The following VRK1 variants were observed in gnomAD, a reference collection of about 807,000 sequenced individuals.
The protein encoded by VRK1 is VRK serine/threonine kinase 1.
VRK1 carries 33 observed loss-of-function variants against 57.1 expected under a neutral mutation model. The observed-to-expected ratio is 0.58, with a 90% CI of 0.44 to 0.77. The LOEUF (loss-of-function observed/expected upper bound fraction) is 0.77, where lower values mean the gene tolerates loss of function less well. VRK1 is among the 30% of genes least tolerant of loss of function. VRK1 has a pLI of 0.00. For synonymous variants in VRK1, 137 were observed against 147.8 expected (o/e 0.93, Z 0.53); for missense variants, 413 against 477.3 (o/e 0.87, Z 1.25).
chr14:96,804,123 T>C (rs879872419), intron 1 of VRK1, among the ~76,000 whole-genome samples: 7 of 152,248 alleles, frequency 4.6e-5, no homozygotes, highest in Non-Finnish European at 8.8e-5. Flanking sequence ...TCTCATTTTT[T>C]CTTCTGTTTT....
intron 11 of VRK1, among the ~76,000 whole-genome samples, chr14:96,861,237 GATTA>G (rs1375974119): frequency 1.3e-5 from 2 of 152,118 alleles, no homozygotes; most frequent in African/African-American, 4.8e-5. Flanking sequence ...CATATAAGGG[GATTA>G]ATTGTTTGGA....
chr14:96,804,329 C>T (rs1885786128), intron 1 of VRK1, among the ~76,000 whole-genome samples: 1 of 152,132 alleles, frequency 6.6e-6, no homozygotes, highest in African/African-American at 2.4e-5. Flanking sequence ...TGGCCATATA[C>T]TGTAAATTAG....
chr14:96,800,464 G>A (rs1231184572), intron 1 of VRK1, among the ~76,000 whole-genome samples: 1 of 151,966 alleles, frequency 6.6e-6, no homozygotes, highest in Non-Finnish European at 1.5e-5. Context: ...TACGAGCGAT[G>A]GCCCTTCTCC....
chr14:96,832,196 T>C (rs774880130), intron 1 of VRK1, among the ~76,000 whole-genome samples: 1 of 152,068 alleles, frequency 6.6e-6, no homozygotes, highest in Admixed American at 6.6e-5. Context: ...AGTGGGTGAG[T>C]TGGTGAAAAA....
At chr14:96,807,433 T>G (rs541904412) in intron 1 of VRK1, among the ~76,000 whole-genome samples, 8 of 152,370 alleles carry the variant, frequency 5.3e-5, no homozygotes, top group Non-Finnish European at 1.0e-4. Context: ...CATGTCAGTT[T>G]ACCACATTGG....
intron 11 of VRK1, among the ~76,000 whole-genome samples, chr14:96,864,818 T>G (rs1888520995): frequency 6.6e-6 from 1 of 152,138 alleles, no homozygotes; most frequent in Non-Finnish European, 1.5e-5. Flanking sequence ...ATGGTTTTAA[T>G]TTAATCTCCT....
intron 1 of VRK1, among the ~76,000 whole-genome samples, chr14:96,825,188 G>C (rs1264655910): frequency 6.6e-6 from 1 of 152,162 alleles, no homozygotes; most frequent in African/African-American, 2.4e-5. Flanking sequence ...GGCTTGAAGT[G>C]GGTGCAGGTG....
At chr14:96,866,976 A>G (rs1888610958) in intron 11 of VRK1, among the ~76,000 whole-genome samples, 1 of 152,182 alleles carries the variant, frequency 6.6e-6, no homozygotes, top group African/African-American at 2.4e-5. Flanking sequence ...ATTAGAATTT[A>G]TGTTCTTTTC....
intron 3 of VRK1, among the ~76,000 whole-genome samples, chr14:96,845,538 G>T (rs1480106550): frequency 6.6e-6 from 1 of 152,140 alleles, no homozygotes; most frequent in Admixed American, 6.5e-5. Flanking sequence ...AGGAATCTGT[G>T]TCAGAAAGGA....
intron 1 of VRK1, among the ~76,000 whole-genome samples, chr14:96,822,356 T>C (rs1885679266): frequency 6.6e-6 from 1 of 152,178 alleles, no homozygotes; most frequent in African/African-American, 2.4e-5. Context: ...ATTTTAAATT[T>C]TAAGAGGGGT....
At chr14:96,833,371 T>G (rs1327362933) in intron 1 of VRK1, 96 bp from the exon 2 acceptor site, 2 of 1,448,208 alleles carry the variant, frequency 1.4e-6, no homozygotes, top group Admixed American at 1.9e-5. Flanking sequence ...AGTAGGAATT[T>G]GAACAGCATC....
At chr14:96,860,419 T>C in intron 10 of VRK1, 138 bp from the exon 11 acceptor site, 2 of 767,726 alleles carry the variant, frequency 2.6e-6, no homozygotes, top group Non-Finnish European at 2.0e-6. Flanking sequence ...ATACTTTTCA[T>C]TGAAGTGATT....
At chr14:96,802,641 G>C (rs1169245011) in intron 1 of VRK1, among the ~76,000 whole-genome samples, 1 of 152,206 alleles carries the variant, frequency 6.6e-6, no homozygotes, top group African/African-American at 2.4e-5. Flanking sequence ...TATGGTGATG[G>C]TTACATGAAT....
chr14:96,880,482 G>A (rs1193273210), intron 12 of VRK1, among the ~76,000 whole-genome samples: 1 of 152,206 alleles, frequency 6.6e-6, no homozygotes, highest in Non-Finnish European at 1.5e-5. Flanking sequence ...GTACCCAGAG[G>A]TGGAGTAGGA....
intron 1 of VRK1, among the ~76,000 whole-genome samples, chr14:96,809,594 A>C (rs1886091298): frequency 6.8e-6 from 1 of 146,206 alleles, no homozygotes; most frequent in Non-Finnish European, 1.5e-5. Flanking sequence ...TTTTTCTGAA[A>C]CGAAGTCTCC....
At chr14:96,877,485 G>A (rs1889088777) in intron 12 of VRK1, 1 of 1,288,850 alleles carries the variant, frequency 7.8e-7, no homozygotes, top group African/African-American at 1.5e-5. Context: ...CCCCTGTCTT[G>A]TTCATTTTGT....
intron 5 of VRK1, among the ~76,000 whole-genome samples, chr14:96,849,510 C>T (rs974564009): frequency 6.6e-6 from 1 of 151,832 alleles, no homozygotes; most frequent in African/African-American, 2.4e-5. Flanking sequence ...AAATCTAGCA[C>T]TAGATTGATT....
At chr14:96,863,220 A>G (rs1566714769) in intron 11 of VRK1, among the ~76,000 whole-genome samples, 1 of 152,206 alleles carries the variant, frequency 6.6e-6, no homozygotes, top group Non-Finnish European at 1.5e-5. Flanking sequence ...AAAAAGTACA[A>G]AGTCAAATAT....
rs550194290 is a variant in VRK1 at position 96,808,160 on chromosome 14, A to G, written c.-6+10713A>G. 5.3e-5 allele frequency among the ~76,000 whole-genome samples: 8 copies of G among 152,212 alleles called. No individual in the cohort carries two copies. In the South Asian group the frequency reaches 6.2e-4, roughly 12 times the overall value. On this transcript the variant is annotated intron_variant, in intron 1 of 12. Transcript: ENST00000216639. ...AAAGGAGACCAAGAAGTGGTGGTCAAAAAGTTGGGATGAAAATAATAGGAG... is the reference window on the plus strand; with the variant it reads ...AAAGGAGACCAAGAAGTGGTGGTCAGAAAGTTGGGATGAAAATAATAGGAG...
Sources: allele counts gnomAD v4.1 joint callset (sites outside exome capture counted in the v4.1 genomes callset), GRCh38; gene constraint gnomAD v4.1.1; transcripts MANE v1.5; gene names NCBI Gene and HGNC (gene_info 2026-07-23, HGNC 2026-07-21).